The following RSRC1 variants were observed in gnomAD, a reference collection of about 807,000 sequenced individuals.
RSRC1 encodes serine/Arginine-related protein 53.
In RSRC1, 39 loss-of-function variants were observed where a neutral mutation model predicts 49.1. That is an observed-to-expected ratio of 0.79 (90% CI 0.61 to 1.04). The LOEUF (loss-of-function observed/expected upper bound fraction) is 1.04, where lower values mean the gene tolerates loss of function less well. RSRC1 is among the 50% of genes least tolerant of loss of function. The probability of loss-of-function intolerance (pLI) is 0.00; values close to 1 mark genes in which losing one functional copy is unlikely to be tolerated. For missense variants in RSRC1, 388 were observed against 402.4 expected (o/e 0.96, Z 0.31); for synonymous variants, 143 against 130.8 (o/e 1.09, Z -0.63).
At chr3:158,124,483 GA>G (rs1715488386) in intron 3 of RSRC1, among the ~76,000 whole-genome samples, 1 of 152,116 alleles carries the variant, frequency 6.6e-6, no homozygotes, top group Admixed American at 6.6e-5. Context: ...GGAAGATTTT[GA>G]AAAGGATTGA....
intron 4 of RSRC1, among the ~76,000 whole-genome samples, chr3:158,219,062 G>T (rs1722099009): frequency 6.6e-6 from 1 of 151,640 alleles, no homozygotes; most frequent in South Asian, 2.1e-4. Context: ...GCCAGTCAAG[G>T]AAGATTTTCT....
Position 158,123,988 on chromosome 3 carries a change from G to T in RSRC1, c.317G>T (p.Arg106Ile). ...AGGTCTAGGTCAAAAAGCAGAACAA[G>T]AAGGTATGCCTTATTAAGTATTTAT... is the stretch of plus-strand genomic sequence containing the variant. ...VQRSRSKSRT[R>I]RSRSRPRLRS... Residue 106 changes from arginine to isoleucine, a missense_variant, in exon 3 of 10, where the codon AGA becomes ATA. Arg to Ile is a moderately conservative substitution (Grantham distance 97). Transcript: ENST00000611884. The T allele has an allele frequency of 2.5e-6, 4 of 1,593,210 alleles. No homozygotes were observed. Among genetic ancestry groups the T allele is most frequent in the Non-Finnish European group, 3.4e-6 (4 of 1,170,350 alleles).
chr3:158,254,800 G>A (rs891366614), intron 4 of RSRC1, among the ~76,000 whole-genome samples: 6 of 151,998 alleles, frequency 3.9e-5, no homozygotes, highest in African/African-American at 1.4e-4. Context: ...GTTTTGATTT[G>A]CATTTCTCTG....
At chr3:158,516,074 A>G (rs1448269888) in intron 7 of RSRC1, among the ~76,000 whole-genome samples, 3 of 152,126 alleles carry the variant, frequency 2.0e-5, no homozygotes, top group Admixed American at 6.5e-5. Context: ...TAATTTGATC[A>G]TCTGAAGCCT....
Position 158,348,388 on chromosome 3 carries a change from G to A in RSRC1, c.532-6469G>A, listed in dbSNP as rs745532113. Among the ~76,000 whole-genome samples the A allele has an allele frequency of 3.3e-5, 5 of 152,068 alleles. No homozygotes were observed. In the South Asian group the frequency reaches 1.0e-3, roughly 32 times the overall value. ...ATGGGTGGCTCAAAGGATTATGCTG[G>A]TTTTGAATGTATGCTTTGGCAGTAT... On this transcript the variant is annotated intron_variant, in intron 5 of 9. Coordinates refer to ENST00000611884, the MANE Select transcript of RSRC1 (RefSeq NM_001271838.2).
chr3:158,427,086 C>G (rs1735486105), intron 6 of RSRC1, among the ~76,000 whole-genome samples: 1 of 151,592 alleles, frequency 6.6e-6, no homozygotes, highest in Non-Finnish European at 1.5e-5. Context: ...CAGTAGGGCA[C>G]GTATGACTTA....
chr3:158,487,230 G>A (rs1459879014), intron 7 of RSRC1, among the ~76,000 whole-genome samples: 1 of 152,166 alleles, frequency 6.6e-6, no homozygotes, highest in Non-Finnish European at 1.5e-5. Context: ...TGAATATGTA[G>A]TCATGTACCT....
intron 3 of RSRC1, among the ~76,000 whole-genome samples, chr3:158,180,458 CTG>C (rs1447426076): frequency 3.2e-5 from 2 of 62,734 alleles, no homozygotes; most frequent in African/African-American, 6.8e-5. Context: ...GTTTATGTGT[CTG>C]TGTGTGTGTA....
chr3:158,517,342 CTT>C (rs1193049039), intron 7 of RSRC1, among the ~76,000 whole-genome samples: 1 of 152,032 alleles, frequency 6.6e-6, no homozygotes. Context: ...TCATTTCTTT[CTT>C]TTTCTTTTCT....
At chr3:158,411,906 C>T (rs1039249567) in intron 6 of RSRC1, among the ~76,000 whole-genome samples, 4 of 152,088 alleles carry the variant, frequency 2.6e-5, no homozygotes, top group African/African-American at 7.2e-5. Context: ...CTGAACATAG[C>T]TCTTCCTAAC....
chr3:158,360,273 C>A (rs1731393655), intron 6 of RSRC1, among the ~76,000 whole-genome samples: 1 of 152,178 alleles, frequency 6.6e-6, no homozygotes, highest in Non-Finnish European at 1.5e-5. Flanking sequence ...ATCCTCTGTT[C>A]TGCTTTGGCT....
intron 7 of RSRC1, among the ~76,000 whole-genome samples, chr3:158,499,514 A>C (rs1485291014): frequency 2.0e-5 from 3 of 151,994 alleles, no homozygotes; most frequent in African/African-American, 7.3e-5. Flanking sequence ...CATCCATGGT[A>C]TGGGATGTGT....
At chr3:158,146,656 G>T (rs928712500) in intron 3 of RSRC1, among the ~76,000 whole-genome samples, 2 of 152,170 alleles carry the variant, frequency 1.3e-5, no homozygotes, top group African/African-American at 4.8e-5. Context: ...AATGAGTTAG[G>T]CAGGATTCCC....
intron 5 of RSRC1, among the ~76,000 whole-genome samples, chr3:158,301,914 C>A (rs1727567663): frequency 6.6e-6 from 1 of 151,868 alleles, no homozygotes; most frequent in South Asian, 2.1e-4. Flanking sequence ...TTCTCCTCCA[C>A]CCCTTGTAAA....
chr3:158,467,233 G>GA (rs1406839599), intron 7 of RSRC1, among the ~76,000 whole-genome samples: 3 of 152,094 alleles, frequency 2.0e-5, no homozygotes. Context: ...TAAGCTGTAT[G>GA]AAAAATCAGT....
At chr3:158,312,647 G>A (rs1728197121) in intron 5 of RSRC1, among the ~76,000 whole-genome samples, 1 of 152,162 alleles carries the variant, frequency 6.6e-6, no homozygotes, top group Non-Finnish European at 1.5e-5. Flanking sequence ...TAATCAGTAA[G>A]AAATTATCAG....
chr3:158,128,043 G>C (rs796329625), intron 3 of RSRC1, among the ~76,000 whole-genome samples: 22 of 152,254 alleles, frequency 1.4e-4, no homozygotes, highest in African/African-American at 5.1e-4. Flanking sequence ...AGTCATCCCA[G>C]TCTCTGTCTT....
chr3:158,345,788 T>TATACAC (rs369670608), intron 5 of RSRC1, among the ~76,000 whole-genome samples: 17 of 148,784 alleles, frequency 1.1e-4, no homozygotes, highest in African/African-American at 2.2e-4. Flanking sequence ...TATATATATA[T>TATACAC]ACACATATAT....
chr3:158,259,864 A>G (rs964597367), intron 4 of RSRC1, among the ~76,000 whole-genome samples: 2 of 152,016 alleles, frequency 1.3e-5, no homozygotes, highest in African/African-American at 4.8e-5. Flanking sequence ...TCACTGCCGC[A>G]GGGCTGTGGT....
Sources: gnomAD v4.1 joint callset for allele counts (sites outside exome capture counted in the v4.1 genomes callset) on GRCh38, gnomAD v4.1.1 for gene constraint, MANE v1.5 for transcripts, NCBI Gene and HGNC (gene_info 2026-07-23, HGNC 2026-07-21) for gene names.